The following FANCD2 variants were observed in gnomAD, a reference collection of about 807,000 sequenced individuals.
The protein encoded by FANCD2 is FA complementation group D2.
Under a neutral mutation model 192.3 loss-of-function variants are expected in FANCD2, and 131 were observed. That is an observed-to-expected ratio of 0.68 (90% CI 0.59 to 0.79). FANCD2 has a LOEUF of 0.79. FANCD2 is among the 30% of genes least tolerant of loss of function. The pLI is 0.00. For missense variants in FANCD2, 1,508 were observed against 1,701.6 expected (o/e 0.89, Z 2.00); for synonymous variants, 524 against 612.5 (o/e 0.86, Z 2.13).
Position 10,085,822 on chromosome 3 carries a change from T to C in FANCD2, c.3235T>C (p.Ser1079Pro). The C allele has an allele frequency of 6.2e-7, 1 of 1,612,594 alleles. No homozygotes were observed. Among genetic ancestry groups the C allele is most frequent in the Non-Finnish European group, 8.5e-7 (1 of 1,178,646 alleles). Residue 1079 changes from serine (S) to proline (P), a missense_variant, in exon 33 of 44, where the codon TCT becomes CCT. By Grantham distance (74) the Ser-to-Pro change is moderately conservative (BLOSUM62 -1). This residue lies in a region of FANCD2 where 796 missense variants were observed against 879.4 expected (regional missense o/e 0.91). Coordinates refer to ENST00000675286, the MANE Select transcript of FANCD2 (RefSeq NM_001018115.3). Reference protein sequence around the residue: ...FHGLFAWSGFSQPENQNLLYS... With the variant: ...FHGLFAWSGFPQPENQNLLYS... ...CCTTGACTTCCTTAGGAGTGGATTT[T>C]CTCAACCTGAAAATCAGAATTTACT...
intron 9 of FANCD2, chr3:10,041,346 G>T: frequency 2.8e-6 from 1 of 353,002 alleles, no homozygotes; most frequent in Admixed American, 4.4e-5. Context: ...TTGCGGGGAA[G>T]GATACATACC....
intron 17 of FANCD2, among the ~76,000 whole-genome samples, chr3:10,051,395 AAAAAAAAAAAAACAAAAAGGAGT>A (rs1395790934): frequency 3.0e-4 from 3 of 10,044 alleles, no homozygotes; most frequent in African/African-American, 3.8e-3. Flanking sequence ...AAAAAAAAAA[AAAAAAAAAAAAACAAAAAGGAGT>A]GAGGGATTTA....
rs1232065920 is a variant in FANCD2, at chr3:10,060,304, A to C, written c.1667A>C (p.His556Pro). The C allele has an allele frequency of 6.2e-7, 1 of 1,610,792 alleles. No homozygotes were observed. The highest frequency in any genetic ancestry group is 1.7e-5 in the Admixed American group (1 of 59,992). ...ATCATCTCATTGCAGGATGACATGC[A>C]CTTGGTGATAAGAAAGCAGCTCTCT... ...EASSHIQDDMHLVIRKQLSST... is the reference protein window; with the variant it reads ...EASSHIQDDMPLVIRKQLSST... The change falls in exon 19 of 44, where the codon CAC (histidine) becomes CCC (proline). Residue 556 changes from histidine (H) to proline (P), a missense_variant. His to Pro is a moderately conservative substitution (Grantham distance 77). This residue lies in a region of FANCD2 where 110 missense variants were observed against 114.4 expected (regional missense o/e 0.96). Coordinates refer to ENST00000675286, the MANE Select transcript of FANCD2 (RefSeq NM_001018115.3).
chr3:10,031,401 C>G (rs2124967229), intron 2 of FANCD2, among the ~76,000 whole-genome samples: 1 of 151,426 alleles, frequency 6.6e-6, no homozygotes, highest in African/African-American at 2.4e-5. Flanking sequence ...TACTGGGAGG[C>G]TGAGGCAGGA....
rs376036728 is a variant in FANCD2, at chr3:10,079,758, ACTT to A, written c.2977-1340_2977-1338del. ...TAGTAAGCTGTCTAGAACGTCCAGA[ACTT>A]CAGATGTGTATACAGTGTACAAACG... On this transcript the variant is annotated intron_variant, in intron 30 of 43. Coordinates refer to ENST00000675286, the MANE Select transcript of FANCD2 (RefSeq NM_001018115.3). Among the ~76,000 whole-genome samples, 11 of 152,322 alleles carry A rather than the reference ACTT, an allele frequency of 7.2e-5. 1 individual carries two copies. In the East Asian group the frequency reaches 9.6e-4, roughly 13 times the overall value.
chr3:10,041,660 A>G lies in FANCD2; in HGVS notation c.733A>G (p.Ile245Val), dbSNP rs1559374364. The part of the protein sequence containing the change: ...LIENTSLTVP[I>V]LDVLSSLRLD... The stretch of plus-strand genomic sequence containing the variant: ...AGAGAATACTTCACTCACTGTCCCA[A>G]TCCTGGATGTCCTTTCAAGCCTCCG... Residue 245 changes from isoleucine (I) to valine (V), a missense_variant, in exon 10 of 44, where the codon ATC becomes GTC. Around this residue, in one of 5 missense-constraint regions of FANCD2, gnomAD observed 435 missense variants for 421.9 expected, o/e 1.03. Coordinates refer to ENST00000675286, the MANE Select transcript of FANCD2 (RefSeq NM_001018115.3). 1.2e-6 allele frequency: 2 copies of G among 1,613,830 alleles called. No homozygotes were observed. Among genetic ancestry groups the G allele is most frequent in the East Asian group, 2.2e-5 (1 of 44,876 alleles).
chr3:10,087,039 C>G, intron 33 of FANCD2, 95 bp from the exon 34 acceptor site: 1 of 1,367,374 alleles, frequency 7.3e-7, no homozygotes, highest in Non-Finnish European at 1.0e-6. Context: ...GGCCGTCAAA[C>G]ACTGAAAGGG....
At position 10,073,325 on chromosome 3, in the gene FANCD2, G is replaced by A; in HGVS notation, c.2678G>A (p.Cys893Tyr). 1.2e-6 allele frequency: 2 copies of A among 1,613,844 alleles called. No homozygotes were observed. The highest frequency in any genetic ancestry group is 1.7e-6 in the Non-Finnish European group (2 of 1,179,768). ...CTTTCAGAAGAGAAAAATTCAGAAT[G>A]TGACCCTACGCCATCTCATAGAGGC... ...DTLSEEKNSE[C>Y]DPTPSHRGQL... is the part of the protein sequence containing the mutation. The change falls in exon 28 of 44, where the codon TGT becomes TAT. Residue 893 changes from cysteine (C) to tyrosine (Y), a missense_variant. Cys to Tyr is a radical substitution (Grantham distance 194). This residue lies in a region of FANCD2 where 796 missense variants were observed against 879.4 expected (regional missense o/e 0.91). Coordinates refer to ENST00000675286, the MANE Select transcript of FANCD2 (RefSeq NM_001018115.3).
intron 29 of FANCD2, 80 bp from the exon 30 acceptor site, chr3:10,078,001 T>C: frequency 9.7e-7 from 1 of 1,033,260 alleles, no homozygotes; most frequent in Non-Finnish European, 1.5e-6. Context: ...CCACTGCACA[T>C]TTAACAAAAA....
intron 15 of FANCD2, 36 bp downstream of exon 15, chr3:10,046,759 C>G (rs145517746): frequency 1.5e-6 from 2 of 1,326,156 alleles, no homozygotes; most frequent in Admixed American, 3.8e-5. Context: ...TAATCTAAAA[C>G]AGAAAGCTTT....
Position 10,064,425 on chromosome 3 carries a change from G to A in FANCD2, c.2017G>A (p.Glu673Lys), listed in dbSNP as rs765783995. 2 of 1,613,744 alleles carry A rather than the reference G, an allele frequency of 1.2e-6. No homozygotes were observed. The highest frequency in any genetic ancestry group is 1.7e-5 in the Admixed American group (1 of 60,008). The change falls in exon 22 of 44, where the codon GAA becomes AAA. Residue 673 changes from glutamate to lysine, a missense_variant. Transcript: ENST00000675286. ...CGTAGTGGACTCCTGTGTTGTTCCG[G>A]AAGGGTAGGTATTGTTTACCTGCTG... ...AFVVDSCVVP[E>K]GDFPFPVKAL...
chr3:10,093,310 A>T lies in FANCD2; in HGVS notation c.3875A>T (p.His1292Leu), dbSNP rs1460599556. 1 of 1,613,260 alleles carries T rather than the reference A, an allele frequency of 6.2e-7. No individual in the cohort carries two copies. Among genetic ancestry groups the T allele is most frequent in the African/African-American group, 1.3e-5 (1 of 74,892 alleles). ...IKVFDSHPVL[H>L]VCLKYGRLFV... ...GTATTTGATAGTCATCCTGTTCTGC[A>T]TGTATGTTTGAAGGTGAGAGATTTA... is the stretch of plus-strand genomic sequence containing the variant. Residue 1292 changes from histidine (H) to leucine (L), a missense_variant, in exon 39 of 44, where the codon CAT becomes CTT. Around this residue, in one of 5 missense-constraint regions of FANCD2, gnomAD observed 796 missense variants for 879.4 expected, o/e 0.91. Transcript: ENST00000675286.
chr3:10,040,556 A>G (rs780255660), intron 9 of FANCD2: 1 of 456,730 alleles, frequency 2.2e-6, no homozygotes, highest in South Asian at 1.5e-5. Context: ...TCTAATGCAC[A>G]GTCCTGCATC....
intron 18 of FANCD2, among the ~76,000 whole-genome samples, chr3:10,053,688 A>G (rs1244600474): frequency 2.0e-5 from 3 of 151,288 alleles, no homozygotes; most frequent in Non-Finnish European, 4.4e-5. Flanking sequence ...GTACATAGCC[A>G]TAGTACTAGC....
At chr3:10,039,145 G>A (rs2086800582) in intron 7 of FANCD2, 134 bp from the exon 8 acceptor site, 1 of 611,256 alleles carries the variant, frequency 1.6e-6, no homozygotes, top group Admixed American at 2.5e-5. Flanking sequence ...TGTGTGTCTA[G>A]TGCAGTGCCG....
At chr3:10,067,523 C>T (rs759199525) in intron 26 of FANCD2, among the ~76,000 whole-genome samples, 2 of 152,144 alleles carry the variant, frequency 1.3e-5, no homozygotes, top group South Asian at 2.1e-4. Context: ...CAGCTGGGCA[C>T]GAGGTGGCTC....
intron 10 of FANCD2, among the ~76,000 whole-genome samples, 181 bp downstream of exon 10, chr3:10,041,891 A>C (rs910928295): frequency 1.4e-5 from 2 of 142,370 alleles, no homozygotes; most frequent in Non-Finnish European, 3.0e-5. Context: ...ATTCTATGGT[A>C]GAGTCACAGG....
intron 29 of FANCD2, among the ~76,000 whole-genome samples, chr3:10,077,488 G>C (rs111898046): frequency 1.3e-5 from 2 of 152,208 alleles, no homozygotes; most frequent in African/African-American, 2.4e-5. Flanking sequence ...CTGGGACGCA[G>C]AGGTTGTAGT....
At chr3:10,030,757 G>A (rs2086571820) in intron 2 of FANCD2, among the ~76,000 whole-genome samples, 1 of 152,068 alleles carries the variant, frequency 6.6e-6, no homozygotes, top group South Asian at 2.1e-4. Context: ...AAAATTAGCT[G>A]GGCGTGGTGT....
Sources: allele counts gnomAD v4.1 joint callset (sites outside exome capture counted in the v4.1 genomes callset), GRCh38; gene constraint gnomAD v4.1.1; regional missense constraint gnomAD v4.1.1; transcripts MANE v1.5; gene names NCBI Gene and HGNC (gene_info 2026-07-23, HGNC 2026-07-21).